The following AUTS2 variants were observed in gnomAD, a reference collection of about 807,000 sequenced individuals.
AUTS2 encodes the protein activator of transcription and developmental regulator AUTS2.
A neutral mutation model predicts 112.4 loss-of-function variants in AUTS2; 17 were observed. That is an observed-to-expected ratio of 0.15 (90% CI 0.10 to 0.23). The LOEUF (loss-of-function observed/expected upper bound fraction) is 0.23, where lower values mean the gene tolerates loss of function less well. Among genes scored for constraint, AUTS2 ranks in the 10% least tolerant of loss-of-function variants. The pLI, the probability that AUTS2 is intolerant of heterozygous loss-of-function variation, is 1.00. For missense variants in AUTS2, 1,510 were observed against 1,701.6 expected, an observed-to-expected ratio of 0.89 and a Z score of 1.98; for synonymous variants, 751 against 702.7, an observed-to-expected ratio of 1.07 and a Z score of -1.09.
chr7:70,469,450 T>C (rs764573207), intron 5 of AUTS2, among the ~76,000 whole-genome samples: 2 of 152,164 alleles, frequency 1.3e-5, no homozygotes, highest in Non-Finnish European at 2.9e-5. Flanking sequence ...GCCCTGAGGC[T>C]GGAACATGTT....
At position 70,540,999 on chromosome 7, in the gene AUTS2, CT is replaced by C. The variant is rs1454464571; in HGVS notation, c.690+105219del. On this transcript the variant is annotated intron_variant, in intron 5 of 18. Transcript: ENST00000342771. ...CTCTAATTCATGCAAAAGTCCCCCC[CT>C]ATGAAGTGAAGTCTGTTTCTGTTGC... is the stretch of plus-strand genomic sequence containing the variant. Among the ~76,000 whole-genome samples the C allele has an allele frequency of 2.6e-5, 4 of 152,182 alleles. No homozygotes were observed. The East Asian group carries it at 5.8e-4, about 22-fold the overall frequency.
At chr7:70,256,833 C>G (rs1786900296) in intron 4 of AUTS2, among the ~76,000 whole-genome samples, 1 of 152,158 alleles carries the variant, frequency 6.6e-6, no homozygotes, top group Non-Finnish European at 1.5e-5. Context: ...AGAAAGTACT[C>G]TAGTGTCTTT....
chr7:69,876,349 A>ATATATATATATAT (rs1247359824), intron 1 of AUTS2, among the ~76,000 whole-genome samples: 1 of 29,494 alleles, frequency 3.4e-5, no homozygotes, highest in African/African-American at 1.5e-4. Flanking sequence ...AAAAAAAAAA[A>ATATATATATATAT]ATATATATAT....
At chr7:70,426,968 C>T (rs1282332348) in intron 4 of AUTS2, among the ~76,000 whole-genome samples, 1 of 149,926 alleles carries the variant, frequency 6.7e-6, no homozygotes, top group African/African-American at 2.5e-5. Flanking sequence ...AAGAACCCAG[C>T]ATCAGTTGAA....
At chr7:70,699,582 T>C (rs991618627) in intron 6 of AUTS2, 8 of 152,228 alleles carry the variant, frequency 5.3e-5, no homozygotes. Flanking sequence ...ATTTTAGAAT[T>C]TGAACCAATT....
At chr7:69,614,380 G>T (rs1470674890) in intron 1 of AUTS2, among the ~76,000 whole-genome samples, 3 of 13,110 alleles carry the variant, frequency 2.3e-4, no homozygotes, top group African/African-American at 5.4e-4. Context: ...TTAAGAGATG[G>T]GATCTCACTC....
intron 1 of AUTS2, among the ~76,000 whole-genome samples, chr7:69,840,450 G>A (rs1466653194): frequency 2.6e-5 from 4 of 152,184 alleles, no homozygotes; most frequent in Non-Finnish European, 5.9e-5. Context: ...GAAGCACTGT[G>A]AAGTCCAAAG....
intron 3 of AUTS2, 67 bp downstream of exon 3, chr7:70,118,300 T>G: frequency 7.0e-7 from 1 of 1,438,342 alleles, no homozygotes; most frequent in Non-Finnish European, 9.1e-7. Context: ...ACACACACCA[T>G]TGGTTCAAGT....
intron 2 of AUTS2, among the ~76,000 whole-genome samples, chr7:70,108,916 TTGTTC>T (rs1265900773): frequency 1.3e-5 from 2 of 151,848 alleles, no homozygotes; most frequent in Non-Finnish European, 2.9e-5. Flanking sequence ...CCGGCCCAAA[TTGTTC>T]CATTTTTGGT....
chr7:70,615,971 C>G (rs1448015780), intron 5 of AUTS2, among the ~76,000 whole-genome samples: 1 of 152,098 alleles, frequency 6.6e-6, no homozygotes, highest in African/African-American at 2.4e-5. Context: ...TCTCGAACTC[C>G]AGACCTCAAG....
chr7:70,628,899 A>G (rs1243790243), intron 5 of AUTS2, among the ~76,000 whole-genome samples: 1 of 151,860 alleles, frequency 6.6e-6, no homozygotes, highest in East Asian at 1.9e-4. Flanking sequence ...CCTTGGCCTG[A>G]TGGAACAGGG....
intron 4 of AUTS2, among the ~76,000 whole-genome samples, chr7:70,324,250 A>C (rs762398552): frequency 6.6e-6 from 1 of 152,240 alleles, no homozygotes; most frequent in Non-Finnish European, 1.5e-5. Flanking sequence ...GTTGGCTCTC[A>C]GCAGATGAGG....
In AUTS2 at chr7:70,134,419, C is replaced by G; in HGVS notation, c.625-117C>G. ...AGCAGATGACAAGGGGCAGCATACA[C>G]TGGTGATGTGATGTGGTGATGAAAA... On this transcript the variant is annotated intron_variant, in intron 3 of 18. Coordinates refer to ENST00000342771, the MANE Select transcript of AUTS2 (RefSeq NM_015570.4). 3.7e-6 allele frequency: 3 copies of G among 811,688 alleles called. No individual in the cohort carries two copies. The East Asian group carries it at 7.3e-5, about 20-fold the overall frequency. 50.3% of individuals were successfully genotyped at this position (811,688 alleles called of 1,614,324 possible).
intron 4 of AUTS2, among the ~76,000 whole-genome samples, chr7:70,237,385 T>C (rs1280068796): frequency 6.6e-6 from 1 of 152,204 alleles, no homozygotes; most frequent in East Asian, 1.9e-4. Context: ...AAACAGCAGC[T>C]GTCTCTCATT....
At chr7:70,041,845 A>G (rs1246260386) in intron 2 of AUTS2, among the ~76,000 whole-genome samples, 1 of 152,116 alleles carries the variant, frequency 6.6e-6, no homozygotes, top group Non-Finnish European at 1.5e-5. Context: ...ATTCCCAGAT[A>G]CCCCAGTTTT....
intron 4 of AUTS2, among the ~76,000 whole-genome samples, chr7:70,428,555 T>C (rs1403543705): frequency 6.6e-6 from 1 of 152,246 alleles, no homozygotes; most frequent in Non-Finnish European, 1.5e-5. Context: ...TAAATTATAC[T>C]TGATGTTAGA....
At chr7:70,725,781 C>T (rs1297878914) in intron 6 of AUTS2, among the ~76,000 whole-genome samples, 1 of 152,028 alleles carries the variant, frequency 6.6e-6, no homozygotes, top group Non-Finnish European at 1.5e-5. Context: ...AGATAAATGG[C>T]CAAATGTAAT....
At chr7:69,873,938 G>A (rs1402630904) in intron 1 of AUTS2, among the ~76,000 whole-genome samples, 1 of 152,164 alleles carries the variant, frequency 6.6e-6, no homozygotes, top group Non-Finnish European at 1.5e-5. Flanking sequence ...TCCATAGATT[G>A]GTAATTGGTT....
At chr7:70,787,625 A>G (rs1408156256) in intron 18 of AUTS2, among the ~76,000 whole-genome samples, 194 bp downstream of exon 18, 1 of 152,088 alleles carries the variant, frequency 6.6e-6, no homozygotes, top group Non-Finnish European at 1.5e-5. Context: ...ACCGTAGGAG[A>G]TAGCAGAGCT....
Sources: allele counts gnomAD v4.1 joint callset (sites outside exome capture counted in the v4.1 genomes callset), GRCh38; gene constraint gnomAD v4.1.1; transcripts MANE v1.5; gene names NCBI Gene and HGNC (gene_info 2026-07-23, HGNC 2026-07-21).